Variants in ZNF835 observed in about 807,000 individuals in gnomAD.
ZNF835 encodes the protein zinc finger protein 835.
For missense variants in ZNF835, 783 were observed against 758.4 expected (o/e 1.03, Z -0.38); for synonymous variants, 323 against 324.7 (o/e 0.99, Z 0.06).
Position 56,664,825 on chromosome 19 carries a change from A to T in ZNF835, c.374T>A (p.Phe125Tyr), listed in dbSNP as rs2045229962. The T allele has an allele frequency of 6.2e-7, 1 of 1,611,170 alleles. No homozygotes were observed. The highest frequency in any genetic ancestry group is 1.7e-5 in the Admixed American group (1 of 59,960). Residue 125 changes from phenylalanine (F) to tyrosine (Y), a missense_variant, in exon 2 of 2, where the codon TTC becomes TAC. By Grantham distance (22) the Phe-to-Tyr change is conservative. Transcript: ENST00000537055. ...CGKAFSYCSA[F>Y]ILHQRIHTGE... is the part of the protein sequence containing the mutation. ...GGTGTGGATTCTCTGGTGTAAGATG[A>T]ACGCTGAACAGTAGCTGAAGGCCTT... is the stretch of plus-strand genomic sequence containing the variant.
intron 1 of ZNF835, among the ~76,000 whole-genome samples, chr19:56,667,620 C>T (rs768990923): frequency 3.9e-5 from 6 of 152,204 alleles, no homozygotes; most frequent in South Asian, 2.1e-4. Flanking sequence ...AGAGAGTGCT[C>T]GGCCTTTGGC....
rs746230215 is a variant in ZNF835 at position 56,664,661 on chromosome 19, A to G, written c.538T>C (p.Tyr180His). Residue 180 changes from tyrosine (Y) to histidine (H), a missense_variant, in exon 2 of 2, where the codon TAC becomes CAC. By Grantham distance (83) the Tyr-to-His change is moderately conservative. Coordinates refer to ENST00000537055, the MANE Select transcript of ZNF835 (RefSeq NM_001005850.3). ...TGCGTGCGCCAGTGGGACGCCAGGT[A>G]CGAGCCCTGGCTGAAGGCCTTGCCG... ...ECGKAFSQGS[Y>H]LASHWRTHTG... 8.7e-6 allele frequency: 14 copies of G among 1,608,718 alleles called. No homozygotes were observed. Among genetic ancestry groups the G allele is most frequent in the Non-Finnish European group, 1.2e-5 (14 of 1,178,186 alleles).
In ZNF835 at chr19:56,663,626, C is replaced by T. The variant is rs572783820; in HGVS notation, c.1573G>A (p.Gly525Arg). Residue 525 changes from glycine (G) to arginine (R), a missense_variant, in exon 2 of 2, where the codon GGG (glycine) becomes AGG (arginine). By Grantham distance (125) the Gly-to-Arg change is moderately radical (BLOSUM62 -2). Coordinates refer to ENST00000537055, the MANE Select transcript of ZNF835 (RefSeq NM_001005850.3). The part of the protein sequence containing the change: ...LSQGGETCQQ[G>R]CPGRNPRGPA... Reference sequence around the variant, plus strand: ...CCACGCGGGTTTCTGCCAGGGCACCCCTGTTGACAGGTTTCTCCTCCCTGT... The same window carrying T: ...CCACGCGGGTTTCTGCCAGGGCACCTCTGTTGACAGGTTTCTCCTCCCTGT... 173 of 1,614,056 alleles carry T rather than the reference C, an allele frequency of 1.1e-4. 1 individual carries two copies. The South Asian group carries it at 1.7e-3, about 16-fold the overall frequency.
At chr19:56,667,669 G>A (rs62130949) in intron 1 of ZNF835, among the ~76,000 whole-genome samples, 39,952 of 152,124 alleles carry the variant, frequency 0.26, 5,613 homozygotes, top group East Asian at 0.48. Flanking sequence ...GACAGGCTAC[G>A]TCTGAAGCTT....
chr19:56,664,005 G>A lies in ZNF835; in HGVS notation c.1194C>T (p.Ala398=), dbSNP rs1484343733. 5 of 1,612,570 alleles carry A rather than the reference G, an allele frequency of 3.1e-6. No individual in the cohort carries two copies. The highest frequency in any genetic ancestry group is 3.4e-6 in the Non-Finnish European group (4 of 1,179,434). ...RPYRCLQCGA[A]FSHVSSLIEH... is the part of the protein sequence containing the mutation. ...CTATAAGCGAGGACACGTGGCTGAAGGCGGCCCCGCATTGCAGGCACCTGT... is the reference window on the plus strand; with the variant it reads ...CTATAAGCGAGGACACGTGGCTGAAAGCGGCCCCGCATTGCAGGCACCTGT... Residue 398 remains alanine (A), a synonymous_variant, in exon 2 of 2, where the codon GCC becomes GCT. Coordinates refer to ENST00000537055, the MANE Select transcript of ZNF835 (RefSeq NM_001005850.3).
At chr19:56,669,396 G>A (rs1049494202) in intron 1 of ZNF835, among the ~76,000 whole-genome samples, 19 of 152,148 alleles carry the variant, frequency 1.2e-4, no homozygotes, top group African/African-American at 4.6e-4. Flanking sequence ...GGCCATCGGT[G>A]ATGAACTCAA....
chr19:56,670,098 G>A (rs2045275990), intron 1 of ZNF835, among the ~76,000 whole-genome samples: 1 of 133,370 alleles, frequency 7.5e-6, no homozygotes, highest in Admixed American at 7.8e-5. Flanking sequence ...AATGTACTTG[G>A]GGGCCTATCA....
chr19:56,671,342 G>A lies in ZNF835; in HGVS notation c.-48+234C>T, dbSNP rs1002387416. ...ACAGACACAGTGACGGGCTGGCACC[G>A]CCGAGTAAGCAGGTGCAGATGCAGT... On this transcript the variant is annotated intron_variant, in intron 1 of 1. Coordinates refer to ENST00000537055, the MANE Select transcript of ZNF835 (RefSeq NM_001005850.3). Among the ~76,000 whole-genome samples the A allele has an allele frequency of 4.6e-5, 7 of 151,516 alleles. No individual in the cohort carries two copies. In the South Asian group the frequency reaches 6.3e-4, roughly 14 times the overall value.
chr19:56,668,079 C>A (rs747084136), intron 1 of ZNF835, among the ~76,000 whole-genome samples: 6 of 152,070 alleles, frequency 3.9e-5, no homozygotes, highest in Non-Finnish European at 7.4e-5. Context: ...CTCACTGCAA[C>A]CTTCACCTTC....
Position 56,664,752 on chromosome 19 carries a change from C to G in ZNF835, c.447G>C (p.Gln149His), listed in dbSNP as rs1334524103. Residue 149 changes from glutamine (Q) to histidine (H), a missense_variant, in exon 2 of 2, where the codon CAG becomes CAC. By Grantham distance (24) the Gln-to-His change is conservative. Coordinates refer to ENST00000537055, the MANE Select transcript of ZNF835 (RefSeq NM_001005850.3). ...ACPECGKAFS[Q>H]SVHLTLHQRT... The stretch of plus-strand genomic sequence containing the variant: ...GCTGGTGCAGGGTCAGGTGCACGCT[C>G]TGGCTGAAGGCCTTGCCGCACTCGG... 1 of 1,613,736 alleles carries G rather than the reference C, an allele frequency of 6.2e-7. No individual in the cohort carries two copies. The highest frequency in any genetic ancestry group is 8.5e-7 in the Non-Finnish European group (1 of 1,179,866).
intron 1 of ZNF835, among the ~76,000 whole-genome samples, chr19:56,670,934 T>G (rs1394939608): frequency 6.6e-6 from 1 of 152,282 alleles, no homozygotes; most frequent in Non-Finnish European, 1.5e-5. Flanking sequence ...TGACATGCTG[T>G]GATATGCAGA....
chr19:56,663,042 T>A lies in ZNF835; in HGVS notation c.*543A>T, dbSNP rs908970483. The A allele has an allele frequency of 6.5e-6, 1 of 153,884 alleles. No homozygotes were observed. Among genetic ancestry groups the A allele is most frequent in the Non-Finnish European group, 1.4e-5 (1 of 69,686 alleles). 9.5% of individuals were successfully genotyped at this position (153,884 alleles called of 1,614,324 possible). ...GGGTGTGGTGGCCGGGCGCCTGTAG[T>A]CCCAGCTACTCGGGAGGCTGAGGTA... is the stretch of plus-strand genomic sequence containing the variant. On this transcript the variant is annotated 3_prime_UTR_variant, in exon 2 of 2. Coordinates refer to ENST00000537055, the MANE Select transcript of ZNF835 (RefSeq NM_001005850.3).
intron 1 of ZNF835, among the ~76,000 whole-genome samples, chr19:56,671,154 A>G (rs2045287239): frequency 6.7e-6 from 1 of 149,862 alleles, no homozygotes; most frequent in Admixed American, 6.7e-5. Context: ...CCGCCAAGTG[A>G]GCAGGGGCAG....
At chr19:56,667,543 A>ATG (rs2148056984) in intron 1 of ZNF835, among the ~76,000 whole-genome samples, 1 of 152,274 alleles carries the variant, frequency 6.6e-6, no homozygotes, top group South Asian at 2.1e-4. Flanking sequence ...GCCTCATGTT[A>ATG]TGTGTGGGCT....
Position 56,665,181 on chromosome 19 carries a change from G to T in ZNF835, c.18C>A (p.Ser6Arg). Residue 6 changes from serine to arginine, a missense_variant, in exon 2 of 2, where the codon AGC becomes AGA. Ser to Arg is a moderately radical substitution (Grantham distance 110). Coordinates refer to ENST00000537055, the MANE Select transcript of ZNF835 (RefSeq NM_001005850.3). Reference protein sequence around the residue: MEGLLSVALQGAELEG... With the variant: MEGLLRVALQGAELEG... Reference sequence around the variant, plus strand: ...CCAACTCTGCGCCCTGGAGGGCGACGCTCAAGAGTCCCTCCATCCTCGATC... The same window carrying T: ...CCAACTCTGCGCCCTGGAGGGCGACTCTCAAGAGTCCCTCCATCCTCGATC... 1 of 1,613,928 alleles carries T rather than the reference G, an allele frequency of 6.2e-7. No homozygotes were observed.
rs749733554 is a variant in ZNF835 at position 56,665,164 on chromosome 19, GC to G, written c.34del (p.Ala12GlnfsTer142). ...EGLLSVALQG[A>X]ELEGNWKHEG... Reference sequence around the variant, plus strand: ...GTGTTTCCAGTTTCCTTCCAACTCTGCGCCCTGGAGGGCGACGCTCAAGAGT... The same window carrying G: ...GTGTTTCCAGTTTCCTTCCAACTCTGGCCCTGGAGGGCGACGCTCAAGAGT... On this transcript the variant is annotated frameshift_variant, in exon 2 of 2. Transcript: ENST00000537055. LOFTEE classifies it low-confidence loss of function (END_TRUNC). 2 of 1,613,852 alleles carry G rather than the reference GC, an allele frequency of 1.2e-6. No individual in the cohort carries two copies. The highest frequency in any genetic ancestry group is 1.7e-6 in the Non-Finnish European group (2 of 1,179,904).
At position 56,665,033 on chromosome 19, in the gene ZNF835, C is replaced by T; in HGVS notation, c.166G>A (p.Glu56Lys). The change falls in exon 2 of 2, where the codon GAA becomes AAA. Residue 56 changes from glutamate to lysine, a missense_variant. Coordinates refer to ENST00000537055, the MANE Select transcript of ZNF835 (RefSeq NM_001005850.3). ...PAGDSMQERD[E>K]FSRIPRTISS... ...ATGGTTCTTGGGATTCGGCTGAATT[C>T]ATCGCGTTCCTGCATGCTGTCCCCA... 1 of 1,614,058 alleles carries T rather than the reference C, an allele frequency of 6.2e-7. No individual in the cohort carries two copies. Among genetic ancestry groups the T allele is most frequent in the Non-Finnish European group, 8.5e-7 (1 of 1,179,902 alleles).
At chr19:56,671,120 T>A (rs2045286812) in intron 1 of ZNF835, among the ~76,000 whole-genome samples, 1 of 150,930 alleles carries the variant, frequency 6.6e-6, no homozygotes, top group Admixed American at 6.6e-5. Context: ...AGTGAGCAGG[T>A]ACAGACACAG....
In ZNF835 at chr19:56,663,788, C is replaced by T. The variant is rs771556208; in HGVS notation, c.1411G>A (p.Glu471Lys). The change falls in exon 2 of 2, where the codon GAG becomes AAG. Residue 471 changes from glutamate (E) to lysine (K), a missense_variant. By Grantham distance (56) the Glu-to-Lys change is moderately conservative. Transcript: ENST00000537055. ...CAGCCGCTGCACTCGTAGGGCTTCT[C>T]CCCGGTGTGCACGATGTGGTGCTGG... ...LIQHHIVHTGEKPYECSGCGK... is the reference protein window; with the variant it reads ...LIQHHIVHTGKKPYECSGCGK... 1 of 1,613,986 alleles carries T rather than the reference C, an allele frequency of 6.2e-7. No homozygotes were observed. The highest frequency in any genetic ancestry group is 1.7e-5 in the Admixed American group (1 of 60,026).
Sources: gnomAD v4.1 joint callset for allele counts (sites outside exome capture counted in the v4.1 genomes callset) on GRCh38, gnomAD v4.1.1 for gene constraint, MANE v1.5 for transcripts, NCBI Gene and HGNC (gene_info 2026-07-23, HGNC 2026-07-21) for gene names.